STMND1: variants seen among roughly 807,000 people sequenced by gnomAD.
STMND1 encodes stathmin domain-containing protein 1.
A neutral mutation model predicts 23.0 loss-of-function variants in STMND1; 17 were observed. The ratio of observed to expected loss-of-function variants is 0.74; its 90% confidence interval spans 0.51 to 1.11. The LOEUF is 1.11. Among genes scored for constraint, STMND1 ranks in the 50% least tolerant of loss-of-function variants. STMND1 has a pLI of 0.00. For missense variants in STMND1, 305 were observed against 329.1 expected (o/e 0.93, Z 0.57); for synonymous variants, 114 against 119.9 (o/e 0.95, Z 0.32).
At chr6:17,125,697 G>A (rs1006102565) in intron 3 of STMND1, among the ~76,000 whole-genome samples, 3 of 152,116 alleles carry the variant, frequency 2.0e-5, no homozygotes, top group Non-Finnish European at 4.4e-5. Context: ...AGGTCTAACA[G>A]TGATAAAACA....
intron 1 of STMND1, among the ~76,000 whole-genome samples, chr6:17,108,481 C>G (rs547923626): frequency 4.6e-5 from 7 of 152,276 alleles, no homozygotes; most frequent in Non-Finnish European, 8.8e-5. Context: ...CTGTTTGTAA[C>G]TCAGTGCTTC....
intron 1 of STMND1, among the ~76,000 whole-genome samples, chr6:17,103,566 C>CTTTTTTTT (rs68161737): frequency 1.7e-4 from 14 of 82,114 alleles, no homozygotes; most frequent in East Asian, 3.6e-4. Context: ...GACCCATTAC[C>CTTTTTTTT]TTTTTTTTTT....
intron 3 of STMND1, among the ~76,000 whole-genome samples, chr6:17,127,482 G>A (rs1171616793): frequency 1.3e-5 from 2 of 152,158 alleles, no homozygotes; most frequent in Non-Finnish European, 2.9e-5. Flanking sequence ...CCCGGGAGGC[G>A]GAGGTTGCAG....
At chr6:17,129,859 A>C (rs1403454891) in intron 4 of STMND1, among the ~76,000 whole-genome samples, 1 of 151,654 alleles carries the variant, frequency 6.6e-6, no homozygotes, top group Non-Finnish European at 1.5e-5. Context: ...AAAAGAAAAA[A>C]AAAATTGTTT....
In STMND1 at chr6:17,107,758, G is replaced by C. The variant is rs181503672; in HGVS notation, c.81+5420G>C. Among the ~76,000 whole-genome samples the C allele has an allele frequency of 3.0e-3, 453 of 152,220 alleles. 2 individuals carry two copies. Among genetic ancestry groups the C allele is most frequent in the African/African-American group, 0.01 (426 of 41,524 alleles). On this transcript the variant is annotated intron_variant, in intron 1 of 4. Coordinates refer to ENST00000536551, the MANE Select transcript of STMND1 (RefSeq NM_001190766.2). ...AATACAAGTATGAGCCATCATGCCC[G>C]GCTAATTTTTGATATTTTGTAGAGA...
chr6:17,114,822 G>A, intron 1 of STMND1, 140 bp from the exon 2 acceptor site: 2 of 882,654 alleles, frequency 2.3e-6, no homozygotes, highest in Admixed American at 6.7e-5. Flanking sequence ...GGGGGTTGGG[G>A]ACCCCGATCT....
chr6:17,128,132 T>C (rs1004566079), intron 3 of STMND1: 1 of 152,216 alleles, frequency 6.6e-6, no homozygotes, highest in Non-Finnish European at 1.5e-5. Flanking sequence ...AACTAATTTT[T>C]AAAACAAAAC....
At chr6:17,129,600 T>G (rs971580941) in intron 4 of STMND1, among the ~76,000 whole-genome samples, 1 of 151,566 alleles carries the variant, frequency 6.6e-6, no homozygotes, top group African/African-American at 2.4e-5. Flanking sequence ...ATCCCAGCAC[T>G]TTGGGAGGCC....
intron 1 of STMND1, among the ~76,000 whole-genome samples, chr6:17,113,743 C>T (rs944719344): frequency 6.6e-6 from 1 of 151,624 alleles, no homozygotes; most frequent in African/African-American, 2.4e-5. Flanking sequence ...TCTGGGGTTA[C>T]AGGCATGAGC....
At chr6:17,126,894 G>A (rs1761314566) in intron 3 of STMND1, among the ~76,000 whole-genome samples, 2 of 152,196 alleles carry the variant, frequency 1.3e-5, no homozygotes. Context: ...CTTGCCCCTT[G>A]CTGCTTCACA....
Position 17,131,167 on chromosome 6 carries a change from T to C in STMND1, c.*286T>C. 3.2e-6 allele frequency: 1 copy of C among 308,368 alleles called. No homozygotes were observed. The highest frequency in any genetic ancestry group is 5.4e-5 in the East Asian group (1 of 18,382). The allele number at this position is 308,368 out of a possible 1,614,324, so 19.1% of individuals were successfully genotyped here. A position where few individuals can be genotyped will look rare whatever the true frequency, so the allele number is the denominator to read the frequency against. ...GAGATGTCTTTAATTCATTTATAAG[T>C]GCCTTCAGTTTACATTAATAAGTTC... is the stretch of plus-strand genomic sequence containing the variant. On this transcript the variant is annotated 3_prime_UTR_variant, in exon 5 of 5. Coordinates refer to ENST00000536551, the MANE Select transcript of STMND1 (RefSeq NM_001190766.2).
At chr6:17,113,903 C>T (rs547645995) in intron 1 of STMND1, among the ~76,000 whole-genome samples, 8 of 152,302 alleles carry the variant, frequency 5.3e-5, no homozygotes, top group African/African-American at 1.9e-4. Context: ...AGCGTAGTAG[C>T]TTTTACCTGG....
Position 17,131,271 on chromosome 6 carries a change from A to G in STMND1, c.*390A>G, listed in dbSNP as rs1053980256. 1.2e-5 allele frequency: 2 copies of G among 169,500 alleles called. No individual in the cohort carries two copies. The highest frequency in any genetic ancestry group is 2.5e-5 in the Non-Finnish European group (2 of 80,124). 10.5% of individuals were successfully genotyped at this position (169,500 alleles called of 1,614,324 possible). A position where few individuals can be genotyped will look rare whatever the true frequency, so the allele number is the denominator to read the frequency against. ...CTGCTGCTCCTTTAAAACAAATTGCATGGATTTGTATTAAGTATTTTAATG... is the reference window on the plus strand; with the variant it reads ...CTGCTGCTCCTTTAAAACAAATTGCGTGGATTTGTATTAAGTATTTTAATG... On this transcript the variant is annotated 3_prime_UTR_variant, in exon 5 of 5. Transcript: ENST00000536551.
chr6:17,114,758 C>T (rs1351313331), intron 1 of STMND1, among the ~76,000 whole-genome samples: 1 of 152,156 alleles, frequency 6.6e-6, no homozygotes, highest in Non-Finnish European at 1.5e-5. Flanking sequence ...CCTCACCTCC[C>T]GCTCTGCAGC....
intron 2 of STMND1, among the ~76,000 whole-genome samples, 181 bp downstream of exon 2, chr6:17,115,320 A>G (rs1761144570): frequency 6.6e-6 from 1 of 151,736 alleles, no homozygotes; most frequent in Non-Finnish European, 1.5e-5. Flanking sequence ...TTATGTGAGT[A>G]AATAATGCTA....
chr6:17,128,651 T>G (rs1357200408), intron 3 of STMND1: 1 of 152,830 alleles, frequency 6.5e-6, no homozygotes, highest in East Asian at 1.9e-4. Flanking sequence ...TTATCAACTT[T>G]CACGTTGGTT....
chr6:17,121,360 A>G (rs1165134428), intron 3 of STMND1, among the ~76,000 whole-genome samples: 1 of 152,236 alleles, frequency 6.6e-6, no homozygotes, highest in Non-Finnish European at 1.5e-5. Context: ...GGGTTTCACT[A>G]AATTTGAGAA....
At chr6:17,126,058 ATATATATATATATTTTTTTTTTT>A (rs1425538196) in intron 3 of STMND1, among the ~76,000 whole-genome samples, 8 of 23,112 alleles carry the variant, frequency 3.5e-4, no homozygotes, top group African/African-American at 7.2e-4. Context: ...ATATATATAT[ATATATATATATATTTTTTTTTTT>A]TTTTTTTTTT....
chr6:17,128,459 C>T (rs998985060), intron 3 of STMND1: 1 of 152,226 alleles, frequency 6.6e-6, no homozygotes. Flanking sequence ...GAACTCTTCA[C>T]CTTAAACTAC....
Sources: gnomAD v4.1 joint callset for allele counts (sites outside exome capture counted in the v4.1 genomes callset) on GRCh38, gnomAD v4.1.1 for gene constraint, MANE v1.5 for transcripts, NCBI Gene and HGNC (gene_info 2026-07-23, HGNC 2026-07-21) for gene names.